Variants in PPM1D observed in about 807,000 individuals in gnomAD.
PPM1D encodes the protein protein phosphatase 1D.
In PPM1D, 52 loss-of-function variants were observed where a neutral mutation model predicts 58.3. The ratio of observed to expected loss-of-function variants is 0.89; its 90% confidence interval spans 0.71 to 1.12. PPM1D has a LOEUF of 1.12. PPM1D is among the 50% of genes most tolerant of loss of function. PPM1D has a pLI of 0.00. For synonymous variants in PPM1D, 278 were observed against 285.1 expected, an observed-to-expected ratio of 0.98 and a Z score of 0.25; for missense variants, 564 against 777.2, an observed-to-expected ratio of 0.73 and a Z score of 3.26.
chr17:60,654,718 T>A (rs1424887733), intron 4 of PPM1D, among the ~76,000 whole-genome samples: 1 of 150,140 alleles, frequency 6.7e-6, no homozygotes, highest in African/African-American at 2.4e-5. Flanking sequence ...AAAAAAAAAA[T>A]TTAGCTGGGC....
chr17:60,663,627 C>T lies in PPM1D; in HGVS notation c.*75C>T, dbSNP rs2031572198. The T allele has an allele frequency of 1.4e-6, 2 of 1,463,122 alleles. No homozygotes were observed. Among genetic ancestry groups the T allele is most frequent in the East Asian group, 4.6e-5 (2 of 43,462 alleles). The allele number at this position is 1,463,122 out of a possible 1,614,324, so 90.6% of individuals were successfully genotyped here. On this transcript the variant is annotated 3_prime_UTR_variant, in exon 6 of 6. Transcript: ENST00000305921. Reference sequence around the variant, plus strand: ...TTTTAAATTTGGTGCCGATGTTGAACTTTTTTTAAGGGGAGAAAATTAAAA... The same window carrying T: ...TTTTAAATTTGGTGCCGATGTTGAATTTTTTTTAAGGGGAGAAAATTAAAA...
chr17:60,620,878 G>GT (rs928571194), intron 1 of PPM1D, among the ~76,000 whole-genome samples: 1 of 151,558 alleles, frequency 6.6e-6, no homozygotes, highest in Non-Finnish European at 1.5e-5. Flanking sequence ...TTTTCCTTAT[G>GT]TTTTTTTTCT....
At chr17:60,625,554 A>G (rs1222531100) in intron 2 of PPM1D, among the ~76,000 whole-genome samples, 1 of 152,254 alleles carries the variant, frequency 6.6e-6, no homozygotes, top group African/African-American at 2.4e-5. Context: ...ATAATGGTTA[A>G]GTATATTTAG....
chr17:60,607,644 A>T (rs1683400506), intron 1 of PPM1D, among the ~76,000 whole-genome samples: 1 of 152,184 alleles, frequency 6.6e-6, no homozygotes, highest in Non-Finnish European at 1.5e-5. Flanking sequence ...AGGTTTACTT[A>T]TTGGAAATAA....
chr17:60,628,482 C>G (rs147586150), intron 2 of PPM1D, among the ~76,000 whole-genome samples: 1 of 152,130 alleles, frequency 6.6e-6, no homozygotes, highest in Non-Finnish European at 1.5e-5. Context: ...GTTTCATCAC[C>G]GTAAGAGTCC....
chr17:60,656,799 C>A lies in PPM1D; in HGVS notation c.1218C>A (p.Thr406=), dbSNP rs761310636. ...TDSPSYNSQE[T]CVMTPSPCST... is the part of the protein sequence containing the mutation. The stretch of plus-strand genomic sequence containing the variant: ...GCCCTTCCTATAATAGTCAAGAAAC[C>A]TGTGTGATGACTCCTTCCCCATGTT... Residue 406 remains threonine, a synonymous_variant, in exon 5 of 6, where the codon ACC becomes ACA. Coordinates refer to ENST00000305921, the MANE Select transcript of PPM1D (RefSeq NM_003620.4). The A allele has an allele frequency of 6.2e-7, 1 of 1,613,994 alleles. No individual in the cohort carries two copies. Among genetic ancestry groups the A allele is most frequent in the Non-Finnish European group, 8.5e-7 (1 of 1,179,962 alleles).
Position 60,600,442 on chromosome 17 carries a change from A to G in PPM1D, c.28A>G (p.Ser10Gly). The G allele has an allele frequency of 6.4e-7, 1 of 1,558,832 alleles. No individual in the cohort carries two copies. Among genetic ancestry groups the G allele is most frequent in the Non-Finnish European group, 8.7e-7 (1 of 1,151,410 alleles). The change falls in exon 1 of 6, where the codon AGC (serine) becomes GGC (glycine). Residue 10 changes from serine (S) to glycine (G), a missense_variant. Physicochemically the swap from Ser to Gly is moderately conservative, Grantham distance 56 (BLOSUM62 0). This residue lies in a region of PPM1D where 132 missense variants were observed against 150.4 expected (regional missense o/e 0.88). Transcript: ENST00000305921. ...GGCGGGGCTGTACTCGCTGGGAGTG[A>G]GCGTCTTCTCCGACCAGGGCGGGAG... The part of the protein sequence containing the change: MAGLYSLGV[S>G]VFSDQGGRKY...
chr17:60,603,134 T>C (rs919940508), intron 1 of PPM1D, among the ~76,000 whole-genome samples: 1 of 152,210 alleles, frequency 6.6e-6, no homozygotes, highest in African/African-American at 2.4e-5. Context: ...TCAGTATGTT[T>C]TCTTCTGTGA....
intron 2 of PPM1D, among the ~76,000 whole-genome samples, chr17:60,625,635 A>T (rs989661372): frequency 2.6e-5 from 4 of 152,196 alleles, no homozygotes; most frequent in African/African-American, 4.8e-5. Context: ...TATAAAACTC[A>T]TGGTGTTTTG....
chr17:60,620,843 T>A (rs2030685779), intron 1 of PPM1D, among the ~76,000 whole-genome samples: 1 of 152,196 alleles, frequency 6.6e-6, no homozygotes, highest in Non-Finnish European at 1.5e-5. Context: ...ATTAAAAAAG[T>A]AATTGCCAAG....
At chr17:60,600,997 C>G (rs2030197438) in intron 1 of PPM1D, 111 bp downstream of exon 1, 1 of 1,453,608 alleles carries the variant, frequency 6.9e-7, no homozygotes, top group Non-Finnish European at 9.3e-7. Context: ...AAAGTATACA[C>G]TGATGGAAGT....
At chr17:60,636,728 C>T (rs535663521) in intron 3 of PPM1D, among the ~76,000 whole-genome samples, 2 of 151,322 alleles carry the variant, frequency 1.3e-5, no homozygotes, top group East Asian at 2.0e-4. Flanking sequence ...AGGTCTCACT[C>T]TGTGCCCTAG....
chr17:60,621,385 G>T (rs74979545), intron 1 of PPM1D, among the ~76,000 whole-genome samples: 18,233 of 150,846 alleles, frequency 0.12, 3,350 homozygotes, highest in African/African-American at 0.4. Context: ...TCAGAGTTTT[G>T]TTTGTTTGTT....
At chr17:60,618,012 C>A (rs761035306) in intron 1 of PPM1D, among the ~76,000 whole-genome samples, 1 of 152,180 alleles carries the variant, frequency 6.6e-6, no homozygotes, top group Admixed American at 6.5e-5. Context: ...TTTCTCTAAA[C>A]ATGATGGTTG....
chr17:60,656,760 G>T lies in PPM1D; in HGVS notation c.1179G>T (p.Leu393=). 6.2e-7 allele frequency: 1 copy of T among 1,614,180 alleles called. No homozygotes were observed. The highest frequency in any genetic ancestry group is 8.5e-7 in the Non-Finnish European group (1 of 1,180,044). The stretch of plus-strand genomic sequence containing the variant: ...TTACCAATGAAGATGAGTTATACCT[G>T]AACCTGACTGACAGCCCTTCCTATA... ...GNFTNEDELY[L]NLTDSPSYNS... The change falls in exon 5 of 6, where the codon CTG becomes CTT. Residue 393 remains leucine, a synonymous_variant. Coordinates refer to ENST00000305921, the MANE Select transcript of PPM1D (RefSeq NM_003620.4).
intron 2 of PPM1D, among the ~76,000 whole-genome samples, chr17:60,633,530 A>T (rs1187963662): frequency 6.6e-6 from 1 of 151,910 alleles, no homozygotes; most frequent in Non-Finnish European, 1.5e-5. Flanking sequence ...CTCCACTTAG[A>T]TAAGGCCTTC....
chr17:60,603,364 TTATA>T (rs1026970187), intron 1 of PPM1D, among the ~76,000 whole-genome samples: 3 of 152,138 alleles, frequency 2.0e-5, no homozygotes, highest in Non-Finnish European at 4.4e-5. Context: ...ACTTATATGT[TTATA>T]TATATATTTT....
chr17:60,601,299 T>C (rs1397537743), intron 1 of PPM1D, among the ~76,000 whole-genome samples: 1 of 152,196 alleles, frequency 6.6e-6, no homozygotes, highest in Non-Finnish European at 1.5e-5. Flanking sequence ...ATTCTGCTCC[T>C]GAAAGTCTTA....
chr17:60,614,166 C>T (rs952513888), intron 1 of PPM1D, among the ~76,000 whole-genome samples: 2 of 152,190 alleles, frequency 1.3e-5, no homozygotes, highest in East Asian at 3.9e-4. Context: ...CCAATCAGCA[C>T]TCCGTATCTA....
Sources: gnomAD v4.1 joint callset for allele counts (sites outside exome capture counted in the v4.1 genomes callset) on GRCh38, gnomAD v4.1.1 for gene constraint, gnomAD v4.1.1 regional missense constraint, MANE v1.5 for transcripts, NCBI Gene and HGNC (gene_info 2026-07-23, HGNC 2026-07-21) for gene names.